The following CAGE1 variants were observed in gnomAD, a reference collection of about 807,000 sequenced individuals.
CAGE1 encodes cancer antigen 1, also known as cancer-associated gene 1 protein.
Under a neutral mutation model 94.9 loss-of-function variants are expected in CAGE1, and 66 were observed. That is an observed-to-expected ratio of 0.70 (90% CI 0.57 to 0.85). The LOEUF (loss-of-function observed/expected upper bound fraction) is 0.85, where lower values mean the gene tolerates loss of function less well. CAGE1 is among the 40% of genes least tolerant of loss of function. The pLI is 0.00. For synonymous variants in CAGE1, 319 were observed against 321.0 expected (o/e 0.99, Z 0.07); for missense variants, 865 against 950.4 (o/e 0.91, Z 1.18).
At chr6:7,365,134 A>G (rs1760283214) in intron 9 of CAGE1, among the ~76,000 whole-genome samples, 1 of 152,204 alleles carries the variant, frequency 6.6e-6, no homozygotes, top group Non-Finnish European at 1.5e-5. Flanking sequence ...TACCTTAACC[A>G]TGGCTGTTGT....
At chr6:7,331,330 G>T in intron 12 of CAGE1, 1 of 1,048,840 alleles carries the variant, frequency 9.5e-7, no homozygotes, top group Non-Finnish European at 1.4e-6. Flanking sequence ...AAACAAAAGA[G>T]ACCCGTAAGT....
intron 12 of CAGE1, among the ~76,000 whole-genome samples, chr6:7,333,772 G>A (rs1490357093): frequency 6.9e-5 from 8 of 116,740 alleles, no homozygotes; most frequent in East Asian, 2.4e-4. Context: ...AGGTTCAAGC[G>A]ATCCTCCTGC....
intron 6 of CAGE1, among the ~76,000 whole-genome samples, 167 bp from the exon 7 acceptor site, chr6:7,368,965 T>C (rs1001725561): frequency 6.6e-6 from 1 of 151,726 alleles, no homozygotes; most frequent in Non-Finnish European, 1.5e-5. Context: ...TCAGAAGGCA[T>C]CCAATAAAGG....
At chr6:7,358,027 G>GATAGATATATATATATATATATATAT (rs1554138205) in intron 9 of CAGE1, among the ~76,000 whole-genome samples, 1 of 48,076 alleles carries the variant, frequency 2.1e-5, no homozygotes, top group Non-Finnish European at 4.3e-5. Flanking sequence ...TAAGTTTTGA[G>GATAGATATATATATATATATATATAT]ATATATATAT....
intron 11 of CAGE1, among the ~76,000 whole-genome samples, chr6:7,343,190 CAAAA>C (rs769864903): frequency 8.8e-6 from 1 of 113,506 alleles, no homozygotes. Flanking sequence ...CTCTGTCCCA[CAAAA>C]AAAAAAAAGA....
chr6:7,344,873 CG>C, intron 11 of CAGE1, among the ~76,000 whole-genome samples: 1 of 152,024 alleles, frequency 6.6e-6, no homozygotes, highest in South Asian at 2.1e-4. Flanking sequence ...ACCTTTGTGT[CG>C]ACACTCTGTA....
At chr6:7,335,800 C>T (rs1758934690) in intron 11 of CAGE1, among the ~76,000 whole-genome samples, 2 of 152,224 alleles carry the variant, frequency 1.3e-5, no homozygotes, top group Admixed American at 1.3e-4. Flanking sequence ...TGGTCTTGAA[C>T]TCCTGGCCTC....
chr6:7,345,739 G>A (rs1299386054), intron 11 of CAGE1, among the ~76,000 whole-genome samples: 1 of 151,872 alleles, frequency 6.6e-6, no homozygotes, highest in Non-Finnish European at 1.5e-5. Context: ...CATCCTGGCT[G>A]ACTAAAACCC....
Position 7,355,111 on chromosome 6 carries a change from C to T in CAGE1, c.2299G>A (p.Val767Ile). 6.3e-7 allele frequency: 1 copy of T among 1,592,170 alleles called. No individual in the cohort carries two copies. The highest frequency in any genetic ancestry group is 8.6e-7 in the Non-Finnish European group (1 of 1,167,912). The change falls in exon 11 of 14, where the codon GTT becomes ATT. Residue 767 changes from valine (V) to isoleucine (I), a missense_variant and splice_region_variant. Transcript: ENST00000502583. ...TCAATGATTTCTTCATATGATGTAACCTTGAAAAAAATAAGCTAAACCAAT... is the reference window on the plus strand; with the variant it reads ...TCAATGATTTCTTCATATGATGTAATCTTGAAAAAAATAAGCTAAACCAAT... ...QRHLGNLIKK[V>I]TSYEEIIECA...
Position 7,339,709 on chromosome 6 carries a change from T to C in CAGE1, c.2370-5619A>G. 1 of 544,798 alleles carries C rather than the reference T, an allele frequency of 1.8e-6. No homozygotes were observed. The highest frequency in any genetic ancestry group is 3.1e-5 in the Admixed American group (1 of 32,080). The allele number at this position is 544,798 out of a possible 1,614,324, so 33.7% of individuals were successfully genotyped here. Reference sequence around the variant, plus strand: ...TGAGCTACTTCACTTAGAATAATGGTCTCCAATTCCATCTAAGTTGCTGTG... The same window carrying C: ...TGAGCTACTTCACTTAGAATAATGGCCTCCAATTCCATCTAAGTTGCTGTG... On this transcript the variant is annotated intron_variant, in intron 11 of 13. Coordinates refer to ENST00000502583, the MANE Select transcript of CAGE1 (RefSeq NM_001170692.2). This position sits in a 1 kb window ranked among gnomAD's most constrained non-coding sequence, Gnocchi z 4.7.
intron 13 of CAGE1, chr6:7,329,147 G>T: frequency 2.7e-6 from 1 of 376,116 alleles, no homozygotes; most frequent in South Asian, 1.0e-4. Flanking sequence ...TGGTCAGGCT[G>T]GTCTTGAACT....
Position 7,389,660 on chromosome 6 carries a change from C to G in CAGE1, c.-482G>C. 2 of 410,208 alleles carry G rather than the reference C, an allele frequency of 4.9e-6. No homozygotes were observed. The highest frequency in any genetic ancestry group is 9.1e-6 in the Non-Finnish European group (2 of 219,346). 25.4% of individuals were successfully genotyped at this position (410,208 alleles called of 1,614,324 possible). A position where few individuals can be genotyped will look rare whatever the true frequency, so the allele number is the denominator to read the frequency against. On this transcript the variant is annotated 5_prime_UTR_variant, in exon 1 of 14. Transcript: ENST00000502583. Reference sequence around the variant, plus strand: ...CCGGGAAGAAACGGCCAGCACGGGCCTCGCCGTGCCGGCTACTCAACACGC... The same window carrying G: ...CCGGGAAGAAACGGCCAGCACGGGCGTCGCCGTGCCGGCTACTCAACACGC...
chr6:7,338,359 A>C (rs1300010646), intron 11 of CAGE1, among the ~76,000 whole-genome samples: 1 of 152,210 alleles, frequency 6.6e-6, no homozygotes, highest in Non-Finnish European at 1.5e-5. Context: ...ATCATCATTA[A>C]GTATAATGTT....
At chr6:7,351,454 C>T (rs950582951) in intron 11 of CAGE1, among the ~76,000 whole-genome samples, 1 of 151,322 alleles carries the variant, frequency 6.6e-6, no homozygotes, top group Admixed American at 6.6e-5. Context: ...TCTATGAAGC[C>T]AGCATCACCC....
At position 7,339,200 on chromosome 6, in the gene CAGE1, C is replaced by T. The variant is rs183605996; in HGVS notation, c.2370-5110G>A. On this transcript the variant is annotated intron_variant, in intron 11 of 13. Transcript: ENST00000502583. This position sits in a 1 kb window ranked among gnomAD's most constrained non-coding sequence, Gnocchi z 4.7. Reference sequence around the variant, plus strand: ...TGGCCCCAGTTTCCATGATGAACCGCGACACACCATAGCAGGCCCTCCGCA... The same window carrying T: ...TGGCCCCAGTTTCCATGATGAACCGTGACACACCATAGCAGGCCCTCCGCA... 767 of 1,526,644 alleles carry T rather than the reference C, an allele frequency of 5.0e-4. 2 individuals are homozygous for T. The African/African-American group carries it at 8.6e-3, about 17-fold the overall frequency. 94.6% of individuals were successfully genotyped at this position (1,526,644 alleles called of 1,614,324 possible). A position where few individuals can be genotyped will look rare whatever the true frequency, so the allele number is the denominator to read the frequency against.
Position 7,373,466 on chromosome 6 carries a change from C to G in CAGE1, c.1353G>C (p.Glu451Asp), listed in dbSNP as rs982338363. 7.4e-6 allele frequency: 12 copies of G among 1,613,678 alleles called. No homozygotes were observed. In the Admixed American group the frequency reaches 1.0e-4, roughly 13 times the overall value. The change falls in exon 5 of 14, where the codon GAG becomes GAC. Residue 451 changes from glutamate to aspartate, a missense_variant. Physicochemically the swap from Glu to Asp is conservative, Grantham distance 45. Transcript: ENST00000502583. The stretch of plus-strand genomic sequence containing the variant: ...TTTTGAGTTGTTGTAGTCTCTCTAC[C>G]TCTTCTTCTTTCTTGCTTAAGGTTT... ...MDKTLSKKEE[E>D]VERLQQLKKE...
intron 3 of CAGE1, among the ~76,000 whole-genome samples, chr6:7,383,897 T>C (rs1761023642): frequency 2.0e-5 from 3 of 152,182 alleles, no homozygotes; most frequent in Admixed American, 1.3e-4. Context: ...CTGATAATAG[T>C]AAGTTTTTAA....
intron 12 of CAGE1, among the ~76,000 whole-genome samples, chr6:7,333,603 T>A (rs1237400521): frequency 2.9e-5 from 1 of 34,740 alleles, no homozygotes; most frequent in East Asian, 8.7e-4. Context: ...GGAAAAGAGT[T>A]TTTTTTTTTA....
intron 13 of CAGE1, among the ~76,000 whole-genome samples, chr6:7,328,911 T>C (rs1308938395): frequency 2.7e-5 from 2 of 75,042 alleles, no homozygotes; most frequent in Non-Finnish European, 5.5e-5. Context: ...TGTGTGTGTG[T>C]GTGTGTGTAT....
Sources: gnomAD v4.1 joint callset for allele counts (sites outside exome capture counted in the v4.1 genomes callset) on GRCh38, gnomAD v4.1.1 for gene constraint, Gnocchi (gnomAD v3.1) non-coding constraint, MANE v1.5 for transcripts, NCBI Gene and HGNC (gene_info 2026-07-23, HGNC 2026-07-21) for gene names.